Variants in NMNAT2 observed in about 807,000 individuals in gnomAD.
NMNAT2 encodes nicotinamide nucleotide adenylyltransferase 2.
NMNAT2 carries 11 observed loss-of-function variants against 41.6 expected under a neutral mutation model. The ratio of observed to expected loss-of-function variants is 0.26; its 90% CI spans 0.17 to 0.44. The LOEUF is 0.44. Ranked by LOEUF, NMNAT2 falls within the 20% of genes least tolerant of loss-of-function variation. The probability of loss-of-function intolerance (pLI) is 1.00; values close to 1 mark genes in which losing one functional copy is unlikely to be tolerated. For missense variants in NMNAT2, 288 were observed against 407.7 expected (o/e 0.71, Z 2.53); for synonymous variants, 148 against 151.2 (o/e 0.98, Z 0.16).
chr1:183,367,120 T>A (rs1027007545), intron 1 of NMNAT2, among the ~76,000 whole-genome samples: 6 of 152,212 alleles, frequency 3.9e-5, no homozygotes, highest in African/African-American at 9.6e-5. Flanking sequence ...TATTTCCACA[T>A]CCTAGCATGG....
At chr1:183,364,873 A>G (rs1319627831) in intron 1 of NMNAT2, among the ~76,000 whole-genome samples, 1 of 151,934 alleles carries the variant, frequency 6.6e-6, no homozygotes, top group Non-Finnish European at 1.5e-5. Flanking sequence ...TTGTGTTTTT[A>G]GTAGAGACAG....
intron 8 of NMNAT2, among the ~76,000 whole-genome samples, chr1:183,263,194 G>A (rs1242818890): frequency 6.6e-6 from 1 of 152,210 alleles, no homozygotes; most frequent in Non-Finnish European, 1.5e-5. Context: ...TAGGAGGAAT[G>A]TCGTAGAGAG....
intron 10 of NMNAT2, among the ~76,000 whole-genome samples, chr1:183,258,469 G>A (rs1306310724): frequency 1.3e-5 from 2 of 152,134 alleles, no homozygotes; most frequent in Non-Finnish European, 2.9e-5. Context: ...TCCTGGTGTA[G>A]GCTGAACTAA....
At chr1:183,392,141 T>G (rs548091905) in intron 1 of NMNAT2, among the ~76,000 whole-genome samples, 22 of 152,228 alleles carry the variant, frequency 1.4e-4, no homozygotes, top group Non-Finnish European at 2.8e-4. Context: ...CTTGAATGTC[T>G]AATCATCCTT....
intron 1 of NMNAT2, among the ~76,000 whole-genome samples, chr1:183,335,564 A>G (rs515089): frequency 0.024 from 3,706 of 152,298 alleles, 140 homozygotes; most frequent in African/African-American, 0.085. Flanking sequence ...CAGCTTGGCT[A>G]TGTTTCCTTG....
intron 1 of NMNAT2, among the ~76,000 whole-genome samples, chr1:183,329,875 T>G (rs1038889077): frequency 1.3e-5 from 2 of 152,160 alleles, no homozygotes; most frequent in East Asian, 1.9e-4. Flanking sequence ...TCAGAAAACT[T>G]AAATGCATTG....
intron 1 of NMNAT2, among the ~76,000 whole-genome samples, chr1:183,386,727 AATT>A (rs1311430960): frequency 6.6e-6 from 1 of 152,164 alleles, no homozygotes; most frequent in Non-Finnish European, 1.5e-5. Context: ...CAAAATAAAA[AATT>A]ATTTAACAAT....
intron 8 of NMNAT2, among the ~76,000 whole-genome samples, chr1:183,262,282 A>T (rs1383245332): frequency 7.1e-6 from 1 of 140,612 alleles, no homozygotes; most frequent in African/African-American, 2.7e-5. Flanking sequence ...CTGACTGTAG[A>T]TGTAATGCAA....
At chr1:183,373,908 GC>G (rs1663614441) in intron 1 of NMNAT2, among the ~76,000 whole-genome samples, 1 of 152,344 alleles carries the variant, frequency 6.6e-6, no homozygotes, top group Admixed American at 6.5e-5. Context: ...ATGAGCCACT[GC>G]GCCTGGCCAG....
In NMNAT2 at chr1:183,407,044, C is replaced by T. The variant is rs567305196; in HGVS notation, c.85+11139G>A. On this transcript the variant is annotated intron_variant, in intron 1 of 10. Coordinates refer to ENST00000287713, the MANE Select transcript of NMNAT2 (RefSeq NM_015039.4). ...ATGTTGGTCAGGTTGATCTCGAACT[C>T]CTGACCTCGTGATCTGCCCGCCTCA... Among the ~76,000 whole-genome samples, 8 of 152,270 alleles carry T rather than the reference C, an allele frequency of 5.3e-5. No individual in the cohort carries two copies. In the East Asian group the frequency reaches 1.5e-3, roughly 29 times the overall value.
intron 1 of NMNAT2, among the ~76,000 whole-genome samples, chr1:183,345,450 C>G (rs1662906376): frequency 6.6e-6 from 1 of 151,952 alleles, no homozygotes; most frequent in Non-Finnish European, 1.5e-5. Context: ...TTAATCCATT[C>G]CTGGATTAGG....
At chr1:183,344,737 A>C (rs570508448) in intron 1 of NMNAT2, among the ~76,000 whole-genome samples, 1 of 152,326 alleles carries the variant, frequency 6.6e-6, no homozygotes, top group Non-Finnish European at 1.5e-5. Context: ...GCAGAACAGA[A>C]TATTTAGAGG....
chr1:183,335,716 G>A (rs577151270), intron 1 of NMNAT2, among the ~76,000 whole-genome samples: 1 of 152,290 alleles, frequency 6.6e-6, no homozygotes, highest in Admixed American at 6.5e-5. Flanking sequence ...AGTTATCCCT[G>A]TGTACTTCAT....
intron 1 of NMNAT2, among the ~76,000 whole-genome samples, chr1:183,327,654 A>C (rs1219952929): frequency 2.0e-5 from 3 of 152,238 alleles, no homozygotes; most frequent in Non-Finnish European, 4.4e-5. Flanking sequence ...GAAGAAGAGC[A>C]GGGATGTTTA....
chr1:183,404,741 C>G (rs1307115187), intron 1 of NMNAT2, among the ~76,000 whole-genome samples: 1 of 152,170 alleles, frequency 6.6e-6, no homozygotes, highest in East Asian at 1.9e-4. Context: ...TGCTGAATTG[C>G]CACCCCCGCT....
chr1:183,346,910 C>T (rs985688234), intron 1 of NMNAT2, among the ~76,000 whole-genome samples: 1 of 152,116 alleles, frequency 6.6e-6, no homozygotes, highest in African/African-American at 2.4e-5. Context: ...CACCCCTTTT[C>T]TTTCTATGAC....
chr1:183,322,170 C>A (rs1034194780), intron 1 of NMNAT2, among the ~76,000 whole-genome samples: 48 of 152,104 alleles, frequency 3.2e-4, no homozygotes, highest in African/African-American at 1.1e-3. Flanking sequence ...CATTAAACAC[C>A]GAATTCCTTT....
At chr1:183,383,883 G>A (rs564795383) in intron 1 of NMNAT2, among the ~76,000 whole-genome samples, 46 of 152,298 alleles carry the variant, frequency 3.0e-4, no homozygotes, top group African/African-American at 1.1e-3. Context: ...CTTCTTCTGA[G>A]CCCTCCAGAC....
intron 8 of NMNAT2, 89 bp downstream of exon 8, chr1:183,278,464 A>G: frequency 1.2e-6 from 1 of 817,178 alleles, no homozygotes; most frequent in Non-Finnish European, 2.1e-6. Context: ...GAAGCTCAGA[A>G]GAAGTGAAGA....
Sources: allele counts gnomAD v4.1 joint callset (sites outside exome capture counted in the v4.1 genomes callset), GRCh38; gene constraint gnomAD v4.1.1; transcripts MANE v1.5; gene names NCBI Gene and HGNC (gene_info 2026-07-23, HGNC 2026-07-21).